NYAP2: variants seen among roughly 807,000 people sequenced by gnomAD.
The protein encoded by NYAP2 is neuronal tyrosine-phosphorylated phosphoinositide-3-kinase adapter 2.
Under a neutral mutation model 50.4 loss-of-function variants are expected in NYAP2, and 23 were observed. That is an observed-to-expected ratio of 0.46 (90% CI 0.33 to 0.65). The LOEUF is 0.65. Ranked by LOEUF, NYAP2 falls within the 30% of genes least tolerant of loss-of-function variation. The pLI, the probability that NYAP2 is intolerant of heterozygous loss-of-function variation, is 0.02. For synonymous variants in NYAP2, 394 were observed against 365.2 expected (o/e 1.08, Z -0.90); for missense variants, 885 against 861.0 (o/e 1.03, Z -0.35).
At chr2:225,430,135 T>G (rs1431550531) in intron 3 of NYAP2, among the ~76,000 whole-genome samples, 1 of 152,242 alleles carries the variant, frequency 6.6e-6, no homozygotes, top group Non-Finnish European at 1.5e-5. Context: ...CTTATTTTTC[T>G]TCTTTTAGAT....
chr2:225,432,144 A>ATTTTTTTTTTTTTTTTTTTTTT (rs751205603), intron 3 of NYAP2, among the ~76,000 whole-genome samples: 1 of 119,522 alleles, frequency 8.4e-6, no homozygotes, highest in Non-Finnish European at 1.7e-5. Context: ...CGCCCGCCTA[A>ATTTTTTTTTTTTTTTTTTTTTT]TTTTTTTTTT....
intron 4 of NYAP2, among the ~76,000 whole-genome samples, chr2:225,552,657 CA>C (rs1447988449): frequency 6.6e-6 from 1 of 152,140 alleles, no homozygotes; most frequent in Non-Finnish European, 1.5e-5. Flanking sequence ...TTCAGGCCTC[CA>C]ACTTCCAGAA....
the NYAP2 span, among the ~76,000 whole-genome samples, chr2:225,678,366 C>T: frequency 1.8e-3 from 277 of 152,150 alleles, 1 homozygote; most frequent in Non-Finnish European, 3.5e-3. Flanking sequence ...GAAGAACTAA[C>T]TTTGTTTCAT....
chr2:225,412,246 T>A (rs1695054944), intron 3 of NYAP2, among the ~76,000 whole-genome samples: 1 of 133,392 alleles, frequency 7.5e-6, no homozygotes, highest in South Asian at 2.4e-4. Context: ...CGTGAGCCAC[T>A]GCGCCCGGCT....
At chr2:225,401,536 T>G (rs1032166291) in intron 2 of NYAP2, among the ~76,000 whole-genome samples, 2 of 152,032 alleles carry the variant, frequency 1.3e-5, no homozygotes, top group African/African-American at 4.8e-5. Flanking sequence ...ACACTGCTTC[T>G]TCCTGACTGA....
At chr2:225,460,824 G>A (rs1689816040) in intron 3 of NYAP2, among the ~76,000 whole-genome samples, 1 of 151,702 alleles carries the variant, frequency 6.6e-6, no homozygotes, top group Admixed American at 6.6e-5. Context: ...CCATTACGTG[G>A]ATAAGATTTG....
At chr2:225,632,898 G>T (rs1303618706) in intron 6 of NYAP2, among the ~76,000 whole-genome samples, 1 of 151,920 alleles carries the variant, frequency 6.6e-6, no homozygotes, top group Non-Finnish European at 1.5e-5. Context: ...CAGAACTATT[G>T]AACACAAATT....
At chr2:225,532,847 T>A (rs185299816) in intron 4 of NYAP2, among the ~76,000 whole-genome samples, 1 of 152,074 alleles carries the variant, frequency 6.6e-6, no homozygotes, top group East Asian at 1.9e-4. Context: ...ATCTGCCCTG[T>A]GTTGTTTTCA....
chr2:225,669,301 C>T, the NYAP2 span, among the ~76,000 whole-genome samples: 38 of 152,118 alleles, frequency 2.5e-4, no homozygotes, highest in Non-Finnish European at 4.7e-4. Flanking sequence ...TTTTATTACC[C>T]TGTATTGTTT....
intron 4 of NYAP2, among the ~76,000 whole-genome samples, chr2:225,577,369 T>C (rs1291533974): frequency 1.3e-5 from 2 of 152,218 alleles, no homozygotes; most frequent in Non-Finnish European, 2.9e-5. Context: ...GACATTTTAT[T>C]GTCTTTTATT....
At chr2:225,676,465 G>A in the NYAP2 span, among the ~76,000 whole-genome samples, 4 of 151,944 alleles carry the variant, frequency 2.6e-5, no homozygotes, top group Non-Finnish European at 5.9e-5. Flanking sequence ...GTTGTAGACT[G>A]GGCAGTTTAC....
chr2:225,688,759 T>C, the NYAP2 span, among the ~76,000 whole-genome samples: 1 of 152,214 alleles, frequency 6.6e-6, no homozygotes, highest in South Asian at 2.1e-4. Flanking sequence ...CTGTCTATTT[T>C]TGAGATGGAG....
In NYAP2 at chr2:225,582,448, T is replaced by A; in HGVS notation, c.1031T>A (p.Val344Glu). The A allele has an allele frequency of 1.7e-6, 1 of 584,878 alleles. No homozygotes were observed. Among genetic ancestry groups the A allele is most frequent in the Non-Finnish European group, 2.5e-6 (1 of 397,028 alleles). 36.2% of individuals were successfully genotyped at this position (584,878 alleles called of 1,614,324 possible). The change falls in exon 5 of 7, where the codon GTG becomes GAG. Residue 344 changes from valine (V) to glutamate (E), a missense_variant. Coordinates refer to ENST00000636099, the Ensembl canonical transcript of NYAP2. The surrounding 1 kb of genome is among the most constrained non-coding windows in gnomAD (Gnocchi z 7.0). Reference sequence around the variant, plus strand: ...CTGCTGGTATTTCCCCCCGCCCCCGTGCATTGCTCCCCCAACTCCGACGAG... The same window carrying A: ...CTGCTGGTATTTCCCCCCGCCCCCGAGCATTGCTCCCCCAACTCCGACGAG...
chr2:225,447,115 G>C (rs185384882), intron 3 of NYAP2, among the ~76,000 whole-genome samples: 17 of 152,230 alleles, frequency 1.1e-4, no homozygotes, highest in Admixed American at 5.9e-4. Context: ...ACCTTCCTTG[G>C]CTCCAGCAGA....
At chr2:225,548,989 T>A (rs1436604497) in intron 4 of NYAP2, among the ~76,000 whole-genome samples, 1 of 151,966 alleles carries the variant, frequency 6.6e-6, no homozygotes, top group African/African-American at 2.4e-5. Context: ...CAAGCGATCC[T>A]CCTGCCTCAG....
intron 6 of NYAP2, among the ~76,000 whole-genome samples, chr2:225,648,512 T>G (rs2106270730): frequency 6.6e-6 from 1 of 152,058 alleles, no homozygotes; most frequent in Non-Finnish European, 1.5e-5. Flanking sequence ...AGAGAGATTA[T>G]GGGGAGGTTT....
chr2:225,632,950 C>G (rs1482515365), intron 6 of NYAP2, among the ~76,000 whole-genome samples: 1 of 152,182 alleles, frequency 6.6e-6, no homozygotes, highest in African/African-American at 2.4e-5. Context: ...TTATTATCTA[C>G]TGCTTACTAT....
At chr2:225,449,082 A>G (rs1057042778) in intron 3 of NYAP2, among the ~76,000 whole-genome samples, 1 of 152,240 alleles carries the variant, frequency 6.6e-6, no homozygotes, top group Non-Finnish European at 1.5e-5. Flanking sequence ...AGTCAGTTAA[A>G]CAAGTATATA....
chr2:225,676,917 G>A, the NYAP2 span, among the ~76,000 whole-genome samples: 1 of 152,128 alleles, frequency 6.6e-6, no homozygotes, highest in Admixed American at 6.6e-5. Flanking sequence ...ATGAATTTTA[G>A]AATAGATTTT....
Sources: allele counts gnomAD v4.1 joint callset (sites outside exome capture counted in the v4.1 genomes callset), GRCh38; gene constraint gnomAD v4.1.1; non-coding constraint Gnocchi (gnomAD v3.1); transcripts MANE v1.5; gene names NCBI Gene and HGNC (gene_info 2026-07-23, HGNC 2026-07-21).